TMCO6: variants seen among roughly 807,000 people sequenced by gnomAD.
TMCO6 encodes the protein transmembrane and coiled-coil domains 6.
In TMCO6, 47 loss-of-function variants were observed where a neutral mutation model predicts 61.8. The observed-to-expected ratio is 0.76, with a 90% CI of 0.60 to 0.97. The LOEUF (loss-of-function observed/expected upper bound fraction) is 0.97. TMCO6 is among the 50% of genes least tolerant of loss of function. The pLI is 0.00. For missense variants in TMCO6, 557 were observed against 601.6 expected, an observed-to-expected ratio of 0.93 and a Z score of 0.78; for synonymous variants, 261 against 254.2, an observed-to-expected ratio of 1.03 and a Z score of -0.25.
At chr5:140,604,227 C>T in the TMCO6 span, among the ~76,000 whole-genome samples, 1 of 151,942 alleles carries the variant, frequency 6.6e-6, no homozygotes, top group Non-Finnish European at 1.5e-5. Flanking sequence ...CACCTTGTCT[C>T]TACTAAAAAT....
downstream of TMCO6, among the ~76,000 whole-genome samples, chr5:140,646,159 C>T (rs1237211450): frequency 2.0e-5 from 3 of 151,966 alleles, no homozygotes; most frequent in African/African-American, 4.8e-5. Context: ...TACAGGTGCC[C>T]GCCACCACAC....
chr5:140,630,035 G>T, the TMCO6 span, among the ~76,000 whole-genome samples: 5 of 151,202 alleles, frequency 3.3e-5, no homozygotes, highest in Non-Finnish European at 5.9e-5. Flanking sequence ...TTTCGCTCAG[G>T]CTGGAGTGCA....
At chr5:140,634,792 C>CTT (rs1251985203), upstream of TMCO6, among the ~76,000 whole-genome samples, 1 of 150,326 alleles carries the variant, frequency 6.7e-6, no homozygotes. Context: ...GTCTTTTTTA[C>CTT]TTTTATTTAT....
At chr5:140,624,524 C>T in the TMCO6 span, among the ~76,000 whole-genome samples, 1 of 152,106 alleles carries the variant, frequency 6.6e-6, no homozygotes, top group Non-Finnish European at 1.5e-5. Flanking sequence ...CCCTTGACCA[C>T]CCCACTTCTA....
At chr5:140,643,182 C>A in intron 7 of TMCO6, 141 bp downstream of exon 7, 1 of 1,226,838 alleles carries the variant, frequency 8.2e-7, no homozygotes, top group Non-Finnish European at 1.1e-6. Flanking sequence ...CCCAGGAGAC[C>A]CACAGACCTT....
At chr5:140,619,954 T>C in the TMCO6 span, among the ~76,000 whole-genome samples, 1 of 152,230 alleles carries the variant, frequency 6.6e-6, no homozygotes, top group African/African-American at 2.4e-5. Context: ...AAATGCAAAA[T>C]GGTATAGCCA....
chr5:140,641,090 G>A (rs1431925180), intron 2 of TMCO6: 2 of 154,950 alleles, frequency 1.3e-5, no homozygotes, highest in Non-Finnish European at 1.5e-5. Flanking sequence ...CTCACAGCCC[G>A]GTGAAGAAGA....
At chr5:140,645,753 T>A (rs770421502), downstream of TMCO6, 12 of 1,605,782 alleles carry the variant, frequency 7.5e-6, no homozygotes, top group African/African-American at 4.0e-5. Flanking sequence ...AAGATCTTTG[T>A]CTTTATCTTA....
At chr5:140,603,654 T>C in the TMCO6 span, among the ~76,000 whole-genome samples, 1 of 147,376 alleles carries the variant, frequency 6.8e-6, no homozygotes, top group African/African-American at 2.5e-5. Flanking sequence ...TTCATCCAAG[T>C]TGTGGCATGT....
chr5:140,644,578 C>G lies in TMCO6; in HGVS notation c.1206C>G (p.Leu402=). Reference sequence around the variant, plus strand: ...ATATATGTGTCTATCTGCAGGTGCTCACAGTTCTGTGCAATGTTGCAGAAA... The same window carrying G: ...ATATATGTGTCTATCTGCAGGTGCTGACAGTTCTGTGCAATGTTGCAGAAA... ...PVSNVVSVMV[L]TVLCNVAEKG... is the part of the protein sequence containing the mutation. The change falls in exon 11 of 12, where the codon CTC becomes CTG. Residue 402 remains leucine (L), a synonymous_variant. Transcript: ENST00000394671. 6.2e-7 allele frequency: 1 copy of G among 1,614,112 alleles called. No homozygotes were observed. Among genetic ancestry groups the G allele is most frequent in the Non-Finnish European group, 8.5e-7 (1 of 1,180,008 alleles).
rs746641349 is a variant in TMCO6, at chr5:140,644,573, G to A, written c.1201G>A (p.Val401Met). 7.4e-6 allele frequency: 12 copies of A among 1,613,818 alleles called. No homozygotes were observed. Among genetic ancestry groups the A allele is most frequent in the South Asian group, 1.1e-5 (1 of 91,068 alleles). ...LPVSNVVSVMVLTVLCNVAEK... is the reference protein window; with the variant it reads ...LPVSNVVSVMMLTVLCNVAEK... ...AGACTATATATGTGTCTATCTGCAG[G>A]TGCTCACAGTTCTGTGCAATGTTGC... is the stretch of plus-strand genomic sequence containing the variant. Residue 401 changes from valine (V) to methionine (M), a missense_variant and splice_region_variant, in exon 11 of 12, where the codon GTG becomes ATG. Transcript: ENST00000394671.
chr5:140,640,363 T>C (rs1302184308), intron 2 of TMCO6, among the ~76,000 whole-genome samples: 2 of 152,072 alleles, frequency 1.3e-5, no homozygotes, highest in East Asian at 3.8e-4. Flanking sequence ...ACGTCTAACG[T>C]TCGTTTCTTT....
At chr5:140,624,238 G>C in the TMCO6 span, among the ~76,000 whole-genome samples, 1 of 152,108 alleles carries the variant, frequency 6.6e-6, no homozygotes, top group South Asian at 2.1e-4. Flanking sequence ...GGTGGTGCCT[G>C]CCTGTAATCC....
intron 2 of TMCO6, chr5:140,641,239 T>C (rs75882576): frequency 0.01 from 1,599 of 159,632 alleles, 10 homozygotes; most frequent in Non-Finnish European, 0.014. Context: ...GCAGAAGAAA[T>C]AGCATGTGCA....
the TMCO6 span, among the ~76,000 whole-genome samples, chr5:140,619,543 G>A: frequency 6.6e-6 from 1 of 151,728 alleles, no homozygotes; most frequent in Non-Finnish European, 1.5e-5. Context: ...AGACTTGGGG[G>A]GTATGCCTGC....
chr5:140,647,613 G>A (rs1324001162), downstream of TMCO6: 1 of 1,603,698 alleles, frequency 6.2e-7, no homozygotes, highest in Middle Eastern at 1.7e-4. Context: ...GCCAATTCCA[G>A]GTCTTCAGGC....
upstream of TMCO6, chr5:140,639,197 A>T: frequency 3.6e-6 from 1 of 274,968 alleles, no homozygotes. Context: ...GTGTTTGCTG[A>T]GTAGATTGTG....
the TMCO6 span, among the ~76,000 whole-genome samples, chr5:140,606,171 CTTTT>C: frequency 7.6e-6 from 1 of 131,876 alleles, no homozygotes; most frequent in African/African-American, 2.8e-5. Flanking sequence ...TTTCTTTCCT[CTTTT>C]TTTTTTTTCC....
the TMCO6 span, among the ~76,000 whole-genome samples, chr5:140,605,494 A>G: frequency 6.6e-6 from 1 of 152,064 alleles, no homozygotes; most frequent in Non-Finnish European, 1.5e-5. Flanking sequence ...AGCCTGACCA[A>G]CACAGTGAAA....
Sources: allele counts gnomAD v4.1 joint callset (sites outside exome capture counted in the v4.1 genomes callset), GRCh38; gene constraint gnomAD v4.1.1; transcripts MANE v1.5; gene names NCBI Gene and HGNC (gene_info 2026-07-23, HGNC 2026-07-21).